The following SKIDA1 variants were observed in gnomAD, a reference collection of about 807,000 sequenced individuals.
SKIDA1 encodes SKI/DACH domain-containing protein 1.
SKIDA1 carries 18 observed loss-of-function variants against 51.4 expected under a neutral mutation model. The observed-to-expected ratio is 0.35, with a 90% CI of 0.24 to 0.52. SKIDA1 has a LOEUF of 0.52. Among genes scored for constraint, SKIDA1 ranks in the 20% least tolerant of loss-of-function variants. The pLI, the probability that SKIDA1 is intolerant of heterozygous loss-of-function variation, is 0.95. For missense variants in SKIDA1, 1,104 were observed against 1,180.6 expected (o/e 0.94, Z 0.95); for synonymous variants, 579 against 500.5 (o/e 1.16, Z -2.09).
At position 21,518,175 on chromosome 10, in the gene SKIDA1, TTGGAGCACTATGATAA is replaced by T. The variant is rs2032299194; in HGVS notation, c.-369_-354del. On this transcript the variant is annotated 5_prime_UTR_variant, in exon 4 of 4. Transcript: ENST00000449193. ...GGCCCCTCTATTCCTTCCTTCTCCA[TTGGAGCACTATGATAA>T]TGGAATGTGAAGGGAGAAAGAGAAA... The T allele has an allele frequency of 2.4e-5, 5 of 205,002 alleles. No homozygotes were observed. Among genetic ancestry groups the T allele is most frequent in the Non-Finnish European group, 5.3e-5 (5 of 93,832 alleles). 12.7% of individuals were successfully genotyped at this position (205,002 alleles called of 1,614,324 possible).
In SKIDA1 at chr10:21,516,598, C is replaced by T; in HGVS notation, c.1225G>A (p.Val409Met). 1 of 1,552,022 alleles carries T rather than the reference C, an allele frequency of 6.4e-7. No individual in the cohort carries two copies. The highest frequency in any genetic ancestry group is 8.7e-7 in the Non-Finnish European group (1 of 1,147,198). ...TCCTCCTCCTCTTCCTCTGAGGACA[C>T]AGAATTGCTGGAGCTGGACAAACTG... Reference protein sequence around the residue: ...GSSLSSSSNSVSSEEEEEEGE... With the variant: ...GSSLSSSSNSMSSEEEEEEGE... The change falls in exon 4 of 4, where the codon GTG becomes ATG. Residue 409 changes from valine to methionine, a missense_variant. Physicochemically the swap from Val to Met is conservative, Grantham distance 21. Coordinates refer to ENST00000449193, the MANE Select transcript of SKIDA1 (RefSeq NM_207371.4). This position sits in a 1 kb window ranked among gnomAD's most constrained non-coding sequence, Gnocchi z 5.7.
rs1418143210 is a variant in SKIDA1 at position 21,519,429 on chromosome 10, T to C, written c.-1607A>G. On this transcript the variant is annotated 5_prime_UTR_variant, in exon 4 of 4. Transcript: ENST00000449193. ...CAAATTAAGGCAAATTTTGGTGTCG[T>C]TTTCAAGGATATCCAAAATATTGCC... 6.0e-6 allele frequency: 1 copy of C among 167,018 alleles called. No individual in the cohort carries two copies. The highest frequency in any genetic ancestry group is 2.4e-5 in the African/African-American group (1 of 41,404). 10.3% of individuals were successfully genotyped at this position (167,018 alleles called of 1,614,324 possible). A position where few individuals can be genotyped will look rare whatever the true frequency, so the allele number is the denominator to read the frequency against.
chr10:21,522,371 A>C (rs1397622718), intron 2 of SKIDA1, among the ~76,000 whole-genome samples: 1 of 150,162 alleles, frequency 6.7e-6, no homozygotes, highest in Non-Finnish European at 1.5e-5. Flanking sequence ...GACAGAAAAG[A>C]GTAAGGAACA....
chr10:21,517,439 G>T lies in SKIDA1; in HGVS notation c.384C>A (p.Arg128=). ...GGTGCTTGTCCTTCCAAAATCCCGG[G>T]CGGGGGCTGGCGGCAGCGGCGCGCT... is the stretch of plus-strand genomic sequence containing the variant. ...PPERAAAASP[R]PGFWKDKHQL... is the part of the protein sequence containing the mutation. Residue 128 remains arginine (R), a synonymous_variant, in exon 4 of 4, where the codon CGC becomes CGA. Coordinates refer to ENST00000449193, the MANE Select transcript of SKIDA1 (RefSeq NM_207371.4). This position sits in a 1 kb window ranked among gnomAD's most constrained non-coding sequence, Gnocchi z 6.9. 6.7e-7 allele frequency: 1 copy of T among 1,496,158 alleles called. No homozygotes were observed. The highest frequency in any genetic ancestry group is 1.3e-5 in the South Asian group (1 of 74,780). 92.7% of individuals were successfully genotyped at this position (1,496,158 alleles called of 1,614,324 possible).
Position 21,517,924 on chromosome 10 carries a change from C to A in SKIDA1, c.-102G>T. The A allele has an allele frequency of 9.5e-7, 1 of 1,056,930 alleles. No individual in the cohort carries two copies. The highest frequency in any genetic ancestry group is 1.3e-6 in the Non-Finnish European group (1 of 765,342). The allele number at this position is 1,056,930 out of a possible 1,614,324, so 65.5% of individuals were successfully genotyped here. ...CCTCAGCCAGATGCTGCGTGTGTCTCAAGGCATCCTGCTAATAAAATAACA... is the reference window on the plus strand; with the variant it reads ...CCTCAGCCAGATGCTGCGTGTGTCTAAAGGCATCCTGCTAATAAAATAACA... On this transcript the variant is annotated 5_prime_UTR_variant, in exon 4 of 4. The change abolishes the stop of an existing upstream ORF in the 5' untranslated region. Transcript: ENST00000449193. The surrounding 1 kb of genome is among the most constrained non-coding windows in gnomAD (Gnocchi z 6.9).
intron 3 of SKIDA1, among the ~76,000 whole-genome samples, chr10:21,520,817 G>T (rs1032281808): frequency 6.6e-5 from 10 of 151,560 alleles, no homozygotes; most frequent in African/African-American, 2.4e-4. Context: ...TTTAACTAAG[G>T]GCATAATCTG....
chr10:21,517,931 T>G lies in SKIDA1; in HGVS notation c.-109A>C. On this transcript the variant is annotated 5_prime_UTR_variant, in exon 4 of 4. An upstream start codon of the reference 5' UTR is lost. Transcript: ENST00000449193. The surrounding 1 kb of genome is among the most constrained non-coding windows in gnomAD (Gnocchi z 6.9). ...CAGATGCTGCGTGTGTCTCAAGGCA[T>G]CCTGCTAATAAAATAACAAAGACTG... is the stretch of plus-strand genomic sequence containing the variant. The G allele has an allele frequency of 1.0e-6, 1 of 994,532 alleles. No homozygotes were observed. Among genetic ancestry groups the G allele is most frequent in the Non-Finnish European group, 1.4e-6 (1 of 715,070 alleles). 61.6% of individuals were successfully genotyped at this position (994,532 alleles called of 1,614,324 possible).
rs1055058551 is a variant in SKIDA1 at position 21,519,190 on chromosome 10, T to G, written c.-1368A>C. The G allele has an allele frequency of 1.2e-5, 2 of 167,060 alleles. No homozygotes were observed. Among genetic ancestry groups the G allele is most frequent in the African/African-American group, 4.8e-5 (2 of 41,420 alleles). 10.3% of individuals were successfully genotyped at this position (167,060 alleles called of 1,614,324 possible). On this transcript the variant is annotated 5_prime_UTR_variant, in exon 4 of 4. Transcript: ENST00000449193. Reference sequence around the variant, plus strand: ...TCCTTCTGCAGCAAAGAAAAGAAACTGTCAAACGCCCAAGGTGCTTCCAGA... The same window carrying G: ...TCCTTCTGCAGCAAAGAAAAGAAACGGTCAAACGCCCAAGGTGCTTCCAGA...
Position 21,518,960 on chromosome 10 carries a change from G to A in SKIDA1, c.-1138C>T, listed in dbSNP as rs2131273997. 6.0e-6 allele frequency: 1 copy of A among 166,408 alleles called. No homozygotes were observed. The highest frequency in any genetic ancestry group is 1.9e-4 in the East Asian group (1 of 5,164). The allele number at this position is 166,408 out of a possible 1,614,324, so 10.3% of individuals were successfully genotyped here. A position where few individuals can be genotyped will look rare whatever the true frequency, so the allele number is the denominator to read the frequency against. ...TCCGAAACACTGTAACAATTCAACT[G>A]GATTTCGGTTCTCTGCTGGGGGGTG... On this transcript the variant is annotated 5_prime_UTR_variant, in exon 4 of 4. An upstream open reading frame in the 5' UTR gains an earlier in-frame stop. Coordinates refer to ENST00000449193, the MANE Select transcript of SKIDA1 (RefSeq NM_207371.4).
Position 21,516,784 on chromosome 10 carries a change from G to T in SKIDA1, c.1039C>A (p.His347Asn), listed in dbSNP as rs2032226033. 6.5e-7 allele frequency: 1 copy of T among 1,540,640 alleles called. No individual in the cohort carries two copies. The highest frequency in any genetic ancestry group is 1.4e-5 in the African/African-American group (1 of 72,856). Residue 347 changes from histidine to asparagine, a missense_variant, in exon 4 of 4, where the codon CAC becomes AAC. Coordinates refer to ENST00000449193, the MANE Select transcript of SKIDA1 (RefSeq NM_207371.4). This position sits in a 1 kb window ranked among gnomAD's most constrained non-coding sequence, Gnocchi z 5.7. ...HHHHHHHHHH[H>N]HHHHRAQPPQ... is the part of the protein sequence containing the mutation. ...GGCTGGGCCCGGTGGTGGTGGTGGT[G>T]GTGGTGATGGTGGTGGTGGTGGTGG...
In SKIDA1 at chr10:21,516,114, G is replaced by T; in HGVS notation, c.1709C>A (p.Thr570Lys). Residue 570 changes from threonine to lysine, a missense_variant, in exon 4 of 4, where the codon ACA becomes AAA. Thr to Lys is a moderately conservative substitution (Grantham distance 78). Transcript: ENST00000449193. The surrounding 1 kb of genome is among the most constrained non-coding windows in gnomAD (Gnocchi z 5.7). ...GGCCCCCTCTGCCAGGCAGTTAATT[G>T]TCAGGTCAGTTCTCTTTACAGCATT... ...ISNAVKRTDLTINCLAEGASS... is the reference protein window; with the variant it reads ...ISNAVKRTDLKINCLAEGASS... 6.2e-7 allele frequency: 1 copy of T among 1,614,034 alleles called. No homozygotes were observed. Among genetic ancestry groups the T allele is most frequent in the Non-Finnish European group, 8.5e-7 (1 of 1,179,902 alleles).
In SKIDA1 at chr10:21,515,192, T is replaced by C. The variant is rs756060976; in HGVS notation, c.2631A>G (p.Gln877=). 9.3e-6 allele frequency: 15 copies of C among 1,613,778 alleles called. No individual in the cohort carries two copies. The highest frequency in any genetic ancestry group is 8.3e-5 in the Admixed American group (5 of 59,982). ...AYSLNTTKDS[Q]TPHKAHPIWK... is the part of the protein sequence containing the mutation. ...ATATAGGATGGGCCTTGTGAGGAGT[T>C]TGAGAATCCTTAGTGGTGTTTAAGG... The change falls in exon 4 of 4, where the codon CAA becomes CAG. Residue 877 remains glutamine (Q), a synonymous_variant. Coordinates refer to ENST00000449193, the MANE Select transcript of SKIDA1 (RefSeq NM_207371.4).
Position 21,516,737 on chromosome 10 carries a change from G to T in SKIDA1, c.1086C>A (p.Pro362=), listed in dbSNP as rs908328759. The T allele has an allele frequency of 1.2e-5, 18 of 1,549,850 alleles. No individual in the cohort carries two copies. Among genetic ancestry groups the T allele is most frequent in the East Asian group, 2.4e-5 (1 of 40,910 alleles). ...GGGGCTGCGGCCGGTGGTGGTGAGG[G>T]GGGTGGTGACTCTGCTGCGGCGGCT... is the stretch of plus-strand genomic sequence containing the variant. ...RAQPPQQSHH[P]PHHHRPQPHL... The change falls in exon 4 of 4, where the codon CCC becomes CCA. Residue 362 remains proline (P), a synonymous_variant. Coordinates refer to ENST00000449193, the MANE Select transcript of SKIDA1 (RefSeq NM_207371.4). The surrounding 1 kb of genome is among the most constrained non-coding windows in gnomAD (Gnocchi z 5.7).
intron 2 of SKIDA1, among the ~76,000 whole-genome samples, chr10:21,521,986 A>G (rs959744245): frequency 6.6e-6 from 1 of 152,186 alleles, no homozygotes; most frequent in Non-Finnish European, 1.5e-5. Flanking sequence ...TTATGTTTCA[A>G]TACCATTGCA....
chr10:21,514,492 TA>T lies in SKIDA1; in HGVS notation c.*603del, dbSNP rs66955492. 2.2e-3 allele frequency: 277 copies of T among 123,986 alleles called. 1 individual carries two copies. Among genetic ancestry groups the T allele is most frequent in the East Asian group, 0.013 (50 of 3,912 alleles). The allele number at this position is 123,986 out of a possible 1,614,324, so 7.7% of individuals were successfully genotyped here. A position where few individuals can be genotyped will look rare whatever the true frequency, so the allele number is the denominator to read the frequency against. ...AGGACTCACACCCCAATCTTTCCACTAAAAAAAAAAAAAAAAAGTTAAGTGC... is the reference window on the plus strand; with the variant it reads ...AGGACTCACACCCCAATCTTTCCACTAAAAAAAAAAAAAAAAGTTAAGTGC... On this transcript the variant is annotated 3_prime_UTR_variant, in exon 4 of 4. Transcript: ENST00000449193.
chr10:21,520,721 T>C, intron 3 of SKIDA1, among the ~76,000 whole-genome samples: 1 of 152,014 alleles, frequency 6.6e-6, no homozygotes, highest in Non-Finnish European at 1.5e-5. Flanking sequence ...ACTACCTTCT[T>C]TTCCTCTCTC....
rs902339618 is a variant in SKIDA1, at chr10:21,515,056, G to A, written c.*40C>T. 2.6e-6 allele frequency: 4 copies of A among 1,515,822 alleles called. No homozygotes were observed. Among genetic ancestry groups the A allele is most frequent in the African/African-American group, 1.4e-5 (1 of 72,238 alleles). 93.9% of individuals were successfully genotyped at this position (1,515,822 alleles called of 1,614,324 possible). On this transcript the variant is annotated 3_prime_UTR_variant, in exon 4 of 4. Coordinates refer to ENST00000449193, the MANE Select transcript of SKIDA1 (RefSeq NM_207371.4). ...CATCCTGTGCAGTTTACAACAAAAG[G>A]AAGGTAATATGGTTCAAGAAAATAT... is the stretch of plus-strand genomic sequence containing the variant.
At chr10:21,520,099 G>T (rs2131274593) in intron 3 of SKIDA1, among the ~76,000 whole-genome samples, 1 of 152,286 alleles carries the variant, frequency 6.6e-6, no homozygotes. Context: ...TTCCATCCAA[G>T]AAATCAGAGC....
chr10:21,519,795 A>C (rs1236192678), intron 3 of SKIDA1, 137 bp from the exon 4 acceptor site: 1 of 161,064 alleles, frequency 6.2e-6, no homozygotes, highest in Non-Finnish European at 1.5e-5. Flanking sequence ...TCAGACATAC[A>C]AAAAGGTAGT....
Sources: allele counts gnomAD v4.1 joint callset (sites outside exome capture counted in the v4.1 genomes callset), GRCh38; gene constraint gnomAD v4.1.1; non-coding constraint Gnocchi (gnomAD v3.1); transcripts MANE v1.5; gene names NCBI Gene and HGNC (gene_info 2026-07-23, HGNC 2026-07-21).